NIPBL: variants seen among roughly 807,000 people sequenced by gnomAD.
The protein encoded by NIPBL is nipped-B-like protein.
Under a neutral mutation model 321.8 loss-of-function variants are expected in NIPBL, and 19 were observed. The ratio of observed to expected loss-of-function variants is 0.06; its 90% CI spans 0.04 to 0.09. The LOEUF (loss-of-function observed/expected upper bound fraction) is 0.09. Among genes scored for constraint, NIPBL ranks in the 10% least tolerant of loss-of-function variants. The pLI is 1.00. For synonymous variants in NIPBL, 1,106 were observed against 1,114.1 expected (o/e 0.99, Z 0.14); for missense variants, 2,210 against 3,327.0 (o/e 0.66, Z 8.26).
Position 36,971,794 on chromosome 5 carries a change from C to CA in NIPBL, c.772-149dup. 6 of 1,444,874 alleles carry CA rather than the reference C, an allele frequency of 4.2e-6. 1 individual carries two copies. The highest frequency in any genetic ancestry group is 4.6e-6 in the Non-Finnish European group (5 of 1,097,090). The allele number at this position is 1,444,874 out of a possible 1,614,324, so 89.5% of individuals were successfully genotyped here. A position where few individuals can be genotyped will look rare whatever the true frequency, so the allele number is the denominator to read the frequency against. ...CAATTTCAATTCTTCTAAGATATAC[C>CA]AAGAAGAAAACAGGAAAGTGCAGAA... On this transcript the variant is annotated intron_variant, in intron 7 of 46. Transcript: ENST00000282516.
chr5:36,955,628 C>T lies in NIPBL; in HGVS notation c.221C>T (p.Thr74Ile). ...QLVHSLNQVS[T>I]DHIELKDNLG... The stretch of plus-strand genomic sequence containing the variant: ...GTCCATAGCCTCAACCAGGTATCAA[C>T]AGATCACATGTAAGTATGATCAATT... The change falls in exon 3 of 47, where the codon ACA becomes ATA. Residue 74 changes from threonine (T) to isoleucine (I), a missense_variant. By Grantham distance (89) the Thr-to-Ile change is moderately conservative (BLOSUM62 -1). Transcript: ENST00000282516. The T allele has an allele frequency of 6.2e-7, 1 of 1,613,746 alleles. No individual in the cohort carries two copies. Among genetic ancestry groups the T allele is most frequent in the Non-Finnish European group, 8.5e-7 (1 of 1,179,798 alleles).
chr5:36,912,486 G>A (rs1347422992), intron 1 of NIPBL, among the ~76,000 whole-genome samples: 2 of 151,390 alleles, frequency 1.3e-5, no homozygotes, highest in Non-Finnish European at 2.9e-5. Flanking sequence ...TTGTCCTAGA[G>A]AACATGTATT....
intron 40 of NIPBL, among the ~76,000 whole-genome samples, chr5:37,049,670 G>T (rs549657039): frequency 6.6e-5 from 10 of 152,298 alleles, no homozygotes; most frequent in Admixed American, 6.5e-4. Context: ...ACAGGGTGGA[G>T]TCTTAGTCCA....
intron 1 of NIPBL, among the ~76,000 whole-genome samples, chr5:36,918,703 A>G (rs1016788095): frequency 9.2e-5 from 14 of 152,132 alleles, no homozygotes; most frequent in Admixed American, 6.5e-4. Flanking sequence ...CGTTCCATCA[A>G]TACCTAATTT....
At chr5:37,017,467 T>C (rs1162794179) in intron 24 of NIPBL, among the ~76,000 whole-genome samples, 1 of 152,078 alleles carries the variant, frequency 6.6e-6, no homozygotes, top group East Asian at 1.9e-4. Flanking sequence ...ATTTACTGAA[T>C]GGTGATTTAG....
intron 1 of NIPBL, among the ~76,000 whole-genome samples, chr5:36,937,259 A>G (rs1471649525): frequency 1.3e-5 from 2 of 152,166 alleles, no homozygotes. Flanking sequence ...ACTTCATAAA[A>G]TCACCTTCTC....
intron 42 of NIPBL, among the ~76,000 whole-genome samples, chr5:37,053,360 C>T (rs922140096): frequency 3.9e-5 from 6 of 152,128 alleles, no homozygotes; most frequent in Non-Finnish European, 7.4e-5. Flanking sequence ...GGACCATCAT[C>T]ATATATATAG....
intron 10 of NIPBL, among the ~76,000 whole-genome samples, chr5:36,987,112 T>C (rs1744909092): frequency 6.6e-6 from 1 of 152,186 alleles, no homozygotes; most frequent in East Asian, 1.9e-4. Flanking sequence ...ACTCCTGGCC[T>C]CAAGTGATCC....
chr5:36,934,599 G>A (rs1476243074), intron 1 of NIPBL, among the ~76,000 whole-genome samples: 1 of 152,110 alleles, frequency 6.6e-6, no homozygotes, highest in East Asian at 1.9e-4. Flanking sequence ...GAAATTATAA[G>A]ATTACAGATA....
intron 8 of NIPBL, 33 bp from the exon 9 acceptor site, chr5:36,975,743 A>G: frequency 3.1e-6 from 5 of 1,608,400 alleles, no homozygotes; most frequent in Non-Finnish European, 3.4e-6. Context: ...TGAAACCACC[A>G]CAACTGTTAC....
At chr5:36,891,779 G>C (rs1280848848) in intron 1 of NIPBL, among the ~76,000 whole-genome samples, 1 of 152,158 alleles carries the variant, frequency 6.6e-6, no homozygotes, top group Non-Finnish European at 1.5e-5. Flanking sequence ...GCAGGAAAAG[G>C]GAGGCTCAGG....
At chr5:37,048,707 C>T in intron 39 of NIPBL, 32 bp downstream of exon 39, 1 of 1,466,354 alleles carries the variant, frequency 6.8e-7, no homozygotes, top group East Asian at 2.3e-5. Flanking sequence ...AATTTCATAG[C>T]TACATTTATA....
chr5:36,918,634 C>T (rs1430984713), intron 1 of NIPBL, among the ~76,000 whole-genome samples: 2 of 152,038 alleles, frequency 1.3e-5, no homozygotes, highest in African/African-American at 4.8e-5. Context: ...CAGTTTTTGC[C>T]CATTCAGTAT....
chr5:37,036,220 T>C (rs1007565342), intron 32 of NIPBL, among the ~76,000 whole-genome samples, 159 bp from the exon 33 acceptor site: 7 of 151,248 alleles, frequency 4.6e-5, no homozygotes, highest in Admixed American at 2.6e-4. Context: ...ATTTGCACTT[T>C]GAGTATTAAA....
At chr5:37,023,010 CCATT>C (rs1749825718) in intron 29 of NIPBL, among the ~76,000 whole-genome samples, 2 of 152,168 alleles carry the variant, frequency 1.3e-5, no homozygotes, top group Admixed American at 1.3e-4. Context: ...TCCACACTAC[CCATT>C]GCAGGCATAT....
chr5:36,923,333 C>A (rs1005946140), intron 1 of NIPBL, among the ~76,000 whole-genome samples: 1 of 151,776 alleles, frequency 6.6e-6, no homozygotes, highest in Non-Finnish European at 1.5e-5. Flanking sequence ...CAAACAACAA[C>A]AAAAAAATGC....
intron 7 of NIPBL, 160 bp from the exon 8 acceptor site, chr5:36,971,785 A>G: frequency 2.0e-6 from 2 of 977,920 alleles, no homozygotes; most frequent in Non-Finnish European, 2.4e-6. Context: ...CAATTCTTCT[A>G]AGATATACCA....
At position 37,000,426 on chromosome 5, in the gene NIPBL, C is replaced by T. The variant is rs775123425; in HGVS notation, c.3358C>T (p.Arg1120Cys). Residue 1120 changes from arginine to cysteine, a missense_variant, in exon 12 of 47, where the codon CGT becomes TGT. Coordinates refer to ENST00000282516, the MANE Select transcript of NIPBL (RefSeq NM_133433.4). ...TGATAAAGCTTGGGAATATGAAGAGCGTGACAGAAGAAGCTCTGGGGATCA... is the reference window on the plus strand; with the variant it reads ...TGATAAAGCTTGGGAATATGAAGAGTGTGACAGAAGAAGCTCTGGGGATCA... ...DDDKAWEYEE[R>C]DRRSSGDHRR... 3.1e-6 allele frequency: 5 copies of T among 1,613,196 alleles called. No individual in the cohort carries two copies. The highest frequency in any genetic ancestry group is 1.1e-5 in the South Asian group (1 of 91,062).
Position 37,020,455 on chromosome 5 carries a change from C to G in NIPBL, c.5011-4C>G, listed in dbSNP as rs770537046. ...AAGCTCAAGTCTGTCTAATTTCTTTCCAGTTTTCTCGTAAATTCTATATAG... is the reference window on the plus strand; with the variant it reads ...AAGCTCAAGTCTGTCTAATTTCTTTGCAGTTTTCTCGTAAATTCTATATAG... On this transcript the variant is annotated splice_polypyrimidine_tract_variant and splice_region_variant and intron_variant, in intron 25 of 46. Transcript: ENST00000282516. 3.7e-6 allele frequency: 6 copies of G among 1,600,738 alleles called. No homozygotes were observed. The highest frequency in any genetic ancestry group is 1.1e-5 in the South Asian group (1 of 90,722).
Sources: gnomAD v4.1 joint callset for allele counts (sites outside exome capture counted in the v4.1 genomes callset) on GRCh38, gnomAD v4.1.1 for gene constraint, MANE v1.5 for transcripts, NCBI Gene and HGNC (gene_info 2026-07-23, HGNC 2026-07-21) for gene names.